The following MCOLN1 variants were observed in gnomAD, a reference collection of about 807,000 sequenced individuals.
MCOLN1 encodes the protein mucolipin TRP cation channel 1.
In MCOLN1, 50 loss-of-function variants were observed where a neutral mutation model predicts 70.3. The observed-to-expected ratio is 0.71, with a 90% CI of 0.57 to 0.90. The LOEUF is 0.90. Ranked by LOEUF, MCOLN1 falls within the 40% of genes least tolerant of loss-of-function variation. The pLI, the probability that MCOLN1 is intolerant of heterozygous loss-of-function variation, is 0.00. For missense variants in MCOLN1, 598 were observed against 803.5 expected (o/e 0.74, Z 3.09); for synonymous variants, 366 against 341.0 (o/e 1.07, Z -0.81).
rs894157202 is a variant in MCOLN1 at position 7,528,802 on chromosome 19, C to A, written c.985-19C>A. The A allele has an allele frequency of 6.2e-7, 1 of 1,614,058 alleles. No homozygotes were observed. On this transcript the variant is annotated intron_variant, in intron 8 of 13. Coordinates refer to ENST00000264079, the MANE Select transcript of MCOLN1 (RefSeq NM_020533.3). The surrounding 1 kb of genome is among the most constrained non-coding windows in gnomAD (Gnocchi z 4.2). ...GGTCCTGTGCCTGGTCAGGCCCTCACCCCGCCTGCCTTCTGCAGGAGTTTG... is the reference window on the plus strand; with the variant it reads ...GGTCCTGTGCCTGGTCAGGCCCTCAACCCGCCTGCCTTCTGCAGGAGTTTG...
chr19:7,533,887 G>T lies in MCOLN1; in HGVS notation c.*92G>T. ...TTTATTTGTAGGGTTTGCTTTTAAG[G>T]ATCGGCTCCCTGTCGCGCCCGAGGA... On this transcript the variant is annotated 3_prime_UTR_variant, in exon 14 of 14. Coordinates refer to ENST00000264079, the MANE Select transcript of MCOLN1 (RefSeq NM_020533.3). 6.5e-7 allele frequency: 1 copy of T among 1,532,152 alleles called. No individual in the cohort carries two copies. The highest frequency in any genetic ancestry group is 8.9e-7 in the Non-Finnish European group (1 of 1,119,618). The allele number at this position is 1,532,152 out of a possible 1,614,324, so 94.9% of individuals were successfully genotyped here. A position where few individuals can be genotyped will look rare whatever the true frequency, so the allele number is the denominator to read the frequency against.
At chr19:7,530,160 ACCCGGCCATTCATGTGGGGC>A (rs796215096) in intron 11 of MCOLN1, 106 bp from the exon 12 acceptor site, 11 of 786,406 alleles carry the variant, frequency 1.4e-5, no homozygotes, top group Non-Finnish European at 2.2e-5. Context: ...GCAGCCCGGG[ACCCGGCCATTCATGTGGGGC>A]CCCAGCCACC....
At chr19:7,523,943 C>A (rs541013736) in intron 1 of MCOLN1, among the ~76,000 whole-genome samples, 1 of 151,894 alleles carries the variant, frequency 6.6e-6, no homozygotes, top group Non-Finnish European at 1.5e-5. Flanking sequence ...AACTCCTGGG[C>A]TCAAGTGATC....
intron 12 of MCOLN1, among the ~76,000 whole-genome samples, chr19:7,532,854 T>C (rs945409692): frequency 6.6e-6 from 1 of 152,214 alleles, no homozygotes; most frequent in Non-Finnish European, 1.5e-5. Context: ...AGCATAGATA[T>C]TGAATACTTC....
Position 7,524,948 on chromosome 19 carries a change from C to T in MCOLN1, c.32-13C>T, listed in dbSNP as rs878940131. 2 of 1,612,622 alleles carry T rather than the reference C, an allele frequency of 1.2e-6. No homozygotes were observed. Among genetic ancestry groups the T allele is most frequent in the Non-Finnish European group, 1.7e-6 (2 of 1,179,422 alleles). Reference sequence around the variant, plus strand: ...CCCAGGCCTCACCCCAGTGCCCTCTCCTATTCCCACAGAGACCGAGCGGCT... The same window carrying T: ...CCCAGGCCTCACCCCAGTGCCCTCTTCTATTCCCACAGAGACCGAGCGGCT... On this transcript the variant is annotated splice_polypyrimidine_tract_variant and intron_variant, in intron 1 of 13. Coordinates refer to ENST00000264079, the MANE Select transcript of MCOLN1 (RefSeq NM_020533.3). This position sits in a 1 kb window ranked among gnomAD's most constrained non-coding sequence, Gnocchi z 4.1.
In MCOLN1 at chr19:7,529,124, C is replaced by T. The variant is rs139922988; in HGVS notation, c.1158C>T (p.Cys386=). 3.5e-5 allele frequency: 57 copies of T among 1,613,964 alleles called. 1 individual carries two copies. In the African/African-American group the frequency reaches 6.7e-4, roughly 19 times the overall value. ...EAKNLASYDV[C]SILLGTSTLL... is the part of the protein sequence containing the mutation. ...AGAACTTGGCGAGCTACGACGTCTG[C>T]AGCATCCTCCTGGGCACCTCGACGC... Residue 386 remains cysteine, a synonymous_variant, in exon 10 of 14, where the codon TGC becomes TGT. Coordinates refer to ENST00000264079, the MANE Select transcript of MCOLN1 (RefSeq NM_020533.3).
At position 7,522,670 on chromosome 19, in the gene MCOLN1, C is replaced by A; in HGVS notation, c.-81C>A. ...GGTTTGAAGCCGCGCCGCGAGGGAGCGAGGTCGCAGTGACAGCGGCGGGCG... is the reference window on the plus strand; with the variant it reads ...GGTTTGAAGCCGCGCCGCGAGGGAGAGAGGTCGCAGTGACAGCGGCGGGCG... On this transcript the variant is annotated 5_prime_UTR_variant, in exon 1 of 14. Coordinates refer to ENST00000264079, the MANE Select transcript of MCOLN1 (RefSeq NM_020533.3). 7.3e-7 allele frequency: 1 copy of A among 1,363,816 alleles called. No homozygotes were observed. The highest frequency in any genetic ancestry group is 9.6e-7 in the Non-Finnish European group (1 of 1,036,638). 84.5% of individuals were successfully genotyped at this position (1,363,816 alleles called of 1,614,324 possible). A position where few individuals can be genotyped will look rare whatever the true frequency, so the allele number is the denominator to read the frequency against.
rs536302254 is a variant in MCOLN1, at chr19:7,523,380, C to A, written c.31+599C>A. 1.5e-3 allele frequency among the ~76,000 whole-genome samples: 235 copies of A among 152,196 alleles called. 1 individual carries two copies. The highest frequency in any genetic ancestry group is 2.5e-3 in the Non-Finnish European group (167 of 68,036). On this transcript the variant is annotated intron_variant, in intron 1 of 13. Coordinates refer to ENST00000264079, the MANE Select transcript of MCOLN1 (RefSeq NM_020533.3). ...TCCCCTTCTGGAGCTAGCTGGGGACCCCTACCTGATAGATGTCCCGGTGTC... is the reference window on the plus strand; with the variant it reads ...TCCCCTTCTGGAGCTAGCTGGGGACACCTACCTGATAGATGTCCCGGTGTC...
rs1277101967 is a variant in MCOLN1 at position 7,522,658 on chromosome 19, G to A, written c.-93G>A. The A allele has an allele frequency of 5.2e-6, 7 of 1,335,992 alleles. No individual in the cohort carries two copies. The African/African-American group carries it at 9.2e-5, about 18-fold the overall frequency. The allele number at this position is 1,335,992 out of a possible 1,614,324, so 82.8% of individuals were successfully genotyped here. On this transcript the variant is annotated 5_prime_UTR_variant, in exon 1 of 14. Transcript: ENST00000264079. ...CTGATGCCGGAGGGTTTGAAGCCGC[G>A]CCGCGAGGGAGCGAGGTCGCAGTGA...
At chr19:7,530,146 G>A (rs910843927) in intron 11 of MCOLN1, 140 bp from the exon 12 acceptor site, 20 of 797,484 alleles carry the variant, frequency 2.5e-5, no homozygotes, top group Non-Finnish European at 3.9e-5. Context: ...TTCACATGGT[G>A]ACCGCAGCCC....
chr19:7,533,498 T>C, intron 12 of MCOLN1, 25 bp from the exon 13 acceptor site: 1 of 1,610,084 alleles, frequency 6.2e-7, no homozygotes. Context: ...ACTTTCAGGC[T>C]GAGCCTCCCG....
At chr19:7,527,488 CCT>C (rs1178250354) in intron 4 of MCOLN1, 30 bp from the exon 5 acceptor site, 6 of 940,632 alleles carry the variant, frequency 6.4e-6, no homozygotes, top group African/African-American at 1.6e-5. Flanking sequence ...TCCCCGGCCC[CCT>C]GAGGCCCTTC....
rs1204431999 is a variant in MCOLN1 at position 7,524,511 on chromosome 19, G to C, written c.32-450G>C. 6.6e-6 allele frequency among the ~76,000 whole-genome samples: 1 copy of C among 152,136 alleles called. No individual in the cohort carries two copies. The highest frequency in any genetic ancestry group is 1.5e-5 in the Non-Finnish European group (1 of 68,032). ...GAGTTGGGATAAGCCCAGCAGGCTT[G>C]AACGCCCAGTGAAAAGCCAGTGGGA... On this transcript the variant is annotated intron_variant, in intron 1 of 13. Coordinates refer to ENST00000264079, the MANE Select transcript of MCOLN1 (RefSeq NM_020533.3). This position sits in a 1 kb window ranked among gnomAD's most constrained non-coding sequence, Gnocchi z 4.1.
intron 1 of MCOLN1, 53 bp downstream of exon 1, chr19:7,522,834 T>C: frequency 7.7e-7 from 1 of 1,299,710 alleles, no homozygotes; most frequent in Non-Finnish European, 9.8e-7. Context: ...GCGGGCTGTG[T>C]CTCCCACCTG....
At position 7,527,561 on chromosome 19, in the gene MCOLN1, C is replaced by T. The variant is rs776627462; in HGVS notation, c.613C>T (p.Pro205Ser). 6.2e-7 allele frequency: 1 copy of T among 1,612,388 alleles called. No individual in the cohort carries two copies. Among genetic ancestry groups the T allele is most frequent in the Non-Finnish European group, 8.5e-7 (1 of 1,178,402 alleles). ...VDPPERPPPP[P>S]SDDLTLLESS... ...TCCCCCCGAGCGGCCCCCTCCGCCC[C>T]CCAGCGACGATCTCACCCTCTTGGA... Residue 205 changes from proline (P) to serine (S), a missense_variant, in exon 5 of 14, where the codon CCC becomes TCC. Pro to Ser is a moderately conservative substitution (Grantham distance 74). Around this residue, in one of 3 missense-constraint regions of MCOLN1, gnomAD observed 461 missense variants for 588.4 expected, o/e 0.78. Transcript: ENST00000264079.
At chr19:7,527,016 T>C in intron 4 of MCOLN1, 90 bp downstream of exon 4, 1 of 1,525,252 alleles carries the variant, frequency 6.6e-7, no homozygotes, top group Admixed American at 1.7e-5. Flanking sequence ...GGCTCACGCC[T>C]ATAATACCAG....
At position 7,525,280 on chromosome 19, in the gene MCOLN1, C is replaced by A; in HGVS notation, c.237+114C>A. ...GCCGAGGCCGGTGGATCGCTTGAGGCTGGGAGTTCAAGACCAGTCTGGCCA... is the reference window on the plus strand; with the variant it reads ...GCCGAGGCCGGTGGATCGCTTGAGGATGGGAGTTCAAGACCAGTCTGGCCA... On this transcript the variant is annotated intron_variant, in intron 2 of 13. Coordinates refer to ENST00000264079, the MANE Select transcript of MCOLN1 (RefSeq NM_020533.3). This position sits in a 1 kb window ranked among gnomAD's most constrained non-coding sequence, Gnocchi z 4.2. 2 of 971,046 alleles carry A rather than the reference C, an allele frequency of 2.1e-6. No homozygotes were observed. Among genetic ancestry groups the A allele is most frequent in the Non-Finnish European group, 3.2e-6 (2 of 625,972 alleles). The allele number at this position is 971,046 out of a possible 1,614,324, so 60.2% of individuals were successfully genotyped here. A position where few individuals can be genotyped will look rare whatever the true frequency, so the allele number is the denominator to read the frequency against.
At position 7,528,998 on chromosome 19, in the gene MCOLN1, A is replaced by C. The variant is rs372374647; in HGVS notation, c.1134+28A>C. Reference sequence around the variant, plus strand: ...GCGTCCTGCCAACACCCTGGGCCCCAGGTCCCATCCCTGCTGTCAGTGCCT... The same window carrying C: ...GCGTCCTGCCAACACCCTGGGCCCCCGGTCCCATCCCTGCTGTCAGTGCCT... On this transcript the variant is annotated intron_variant, in intron 9 of 13. Coordinates refer to ENST00000264079, the MANE Select transcript of MCOLN1 (RefSeq NM_020533.3). This position sits in a 1 kb window ranked among gnomAD's most constrained non-coding sequence, Gnocchi z 4.2. 2.7e-5 allele frequency: 44 copies of C among 1,613,896 alleles called. No individual in the cohort carries two copies. The highest frequency in any genetic ancestry group is 1.6e-4 in the Middle Eastern group (1 of 6,084).
chr19:7,526,253 G>A lies in MCOLN1; in HGVS notation c.238-186G>A. On this transcript the variant is annotated intron_variant, in intron 2 of 13. Transcript: ENST00000264079. This position sits in a 1 kb window ranked among gnomAD's most constrained non-coding sequence, Gnocchi z 4.6. ...TGGAGCTTATGCCAGGAGGTGGGGT[G>A]AAATTAATCAAAGCAAAGAAATGCA... 8.4e-6 allele frequency: 6 copies of A among 715,864 alleles called. No individual in the cohort carries two copies. The highest frequency in any genetic ancestry group is 1.5e-5 in the Non-Finnish European group (6 of 408,366). 44.3% of individuals were successfully genotyped at this position (715,864 alleles called of 1,614,324 possible).
Sources: allele counts gnomAD v4.1 joint callset (sites outside exome capture counted in the v4.1 genomes callset), GRCh38; gene constraint gnomAD v4.1.1; regional missense constraint gnomAD v4.1.1; non-coding constraint Gnocchi (gnomAD v3.1); transcripts MANE v1.5; gene names NCBI Gene and HGNC (gene_info 2026-07-23, HGNC 2026-07-21).